Variants in GTF2IRD1 observed in about 807,000 individuals in gnomAD.
GTF2IRD1 encodes GTF2I repeat domain containing 1.
A neutral mutation model predicts 113.2 loss-of-function variants in GTF2IRD1; 26 were observed. The observed-to-expected ratio is 0.23, with a 90% CI of 0.17 to 0.32. The LOEUF (loss-of-function observed/expected upper bound fraction) is 0.32. Ranked by LOEUF, GTF2IRD1 falls within the 10% of genes least tolerant of loss-of-function variation. The probability of loss-of-function intolerance (pLI) is 1.00; values close to 1 mark genes in which losing one functional copy is unlikely to be tolerated. For synonymous variants in GTF2IRD1, 484 were observed against 529.1 expected, an observed-to-expected ratio of 0.91 and a Z score of 1.17; for missense variants, 864 against 1,280.8, an observed-to-expected ratio of 0.67 and a Z score of 4.97.
intron 3 of GTF2IRD1, among the ~76,000 whole-genome samples, chr7:74,514,507 T>A (rs1268942927): frequency 1.3e-5 from 2 of 152,050 alleles, no homozygotes; most frequent in East Asian, 3.9e-4. Context: ...GCTCCGCAGA[T>A]CCCAGAGGAG....
At chr7:74,558,364 T>TTTTTTTTGTTTTTG (rs1799740693) in intron 20 of GTF2IRD1, among the ~76,000 whole-genome samples, 1 of 121,280 alleles carries the variant, frequency 8.2e-6, no homozygotes, top group Non-Finnish European at 1.8e-5. Flanking sequence ...TTTTTTTTTT[T>TTTTTTTTGTTTTTG]TTTTTTTTTT....
intron 22 of GTF2IRD1, among the ~76,000 whole-genome samples, chr7:74,563,909 G>A (rs1800130740): frequency 1.3e-5 from 2 of 151,900 alleles, no homozygotes; most frequent in Admixed American, 1.3e-4. Context: ...TAAAAAGAAT[G>A]GCTCTGAGAT....
chr7:74,584,656 C>T (rs1801613145), intron 22 of GTF2IRD1, among the ~76,000 whole-genome samples: 1 of 152,152 alleles, frequency 6.6e-6, no homozygotes, highest in South Asian at 2.1e-4. Context: ...GTGAGGGAGG[C>T]CACCAGGGGA....
Position 74,559,622 on chromosome 7 carries a change from T to C in GTF2IRD1, c.2292-5T>C. The C allele has an allele frequency of 6.3e-7, 1 of 1,592,638 alleles. No individual in the cohort carries two copies. The highest frequency in any genetic ancestry group is 8.5e-7 in the Non-Finnish European group (1 of 1,169,814). ...ATGACACCCCTGCCTCTGTTTCTCT[T>C]CTAGGCCTTTCCAAGGACTCATCCC... On this transcript the variant is annotated splice_polypyrimidine_tract_variant and splice_region_variant and intron_variant, in intron 21 of 26. Transcript: ENST00000424337.
At chr7:74,536,617 G>T (rs1798313260) in intron 11 of GTF2IRD1, among the ~76,000 whole-genome samples, 1 of 151,944 alleles carries the variant, frequency 6.6e-6, no homozygotes, top group South Asian at 2.1e-4. Flanking sequence ...AGACCAGCCT[G>T]GGCAACATGG....
At chr7:74,576,508 C>G (rs1392507578) in intron 22 of GTF2IRD1, among the ~76,000 whole-genome samples, 2 of 136,582 alleles carry the variant, frequency 1.5e-5, no homozygotes, top group African/African-American at 5.5e-5. Context: ...TTGCAGTGAG[C>G]TGAGATCGTG....
chr7:74,543,741 A>G (rs1297077406), intron 14 of GTF2IRD1, among the ~76,000 whole-genome samples: 1 of 151,782 alleles, frequency 6.6e-6, no homozygotes, highest in Non-Finnish European at 1.5e-5. Flanking sequence ...CTCTACAAAA[A>G]ATTTTAAAAA....
intron 1 of GTF2IRD1, 41 bp from the exon 2 acceptor site, chr7:74,508,034 C>T (rs781882040): frequency 3.2e-6 from 5 of 1,578,620 alleles, no homozygotes; most frequent in Middle Eastern, 1.8e-4. Flanking sequence ...GACAAGCCCC[C>T]TGCCTTGTGC....
At chr7:74,465,649 C>A (rs939859242) in intron 1 of GTF2IRD1, among the ~76,000 whole-genome samples, 1 of 152,130 alleles carries the variant, frequency 6.6e-6, no homozygotes, top group Non-Finnish European at 1.5e-5. Context: ...CTGTGGGAGC[C>A]CCACTCCCCC....
chr7:74,460,516 G>A (rs1290378876), intron 1 of GTF2IRD1, among the ~76,000 whole-genome samples: 3 of 152,034 alleles, frequency 2.0e-5, no homozygotes, highest in East Asian at 3.9e-4. Flanking sequence ...CAAAGTGCTG[G>A]GATTACAGGC....
intron 1 of GTF2IRD1, among the ~76,000 whole-genome samples, chr7:74,493,560 G>A (rs1415798717): frequency 1.3e-5 from 2 of 152,162 alleles, no homozygotes; most frequent in Admixed American, 6.5e-5. Flanking sequence ...GGACATGGCT[G>A]TCTTTTGGAG....
Position 74,519,564 on chromosome 7 carries a change from CCAGCTTCCTGTA to C in GTF2IRD1, c.766_777del (p.Phe256_Ser259del), listed in dbSNP as rs1554345416. On this transcript the variant is annotated inframe_deletion, in exon 6 of 27. Transcript: ENST00000424337. ...CCAACCGCCACCTCCTCCTCCATGG[CCAGCTTCCTGTA>C]CAGCACGGCGCTCCCCAACCACGCC... The C allele has an allele frequency of 1.2e-6, 2 of 1,612,418 alleles. No homozygotes were observed. The highest frequency in any genetic ancestry group is 1.1e-5 in the South Asian group (1 of 90,816).
chr7:74,491,522 T>C (rs1463908921), intron 1 of GTF2IRD1, among the ~76,000 whole-genome samples: 2 of 151,196 alleles, frequency 1.3e-5, no homozygotes, highest in African/African-American at 2.4e-5. Flanking sequence ...TGCCCCCCTC[T>C]CTGTGTCCAT....
intron 1 of GTF2IRD1, among the ~76,000 whole-genome samples, chr7:74,500,506 A>G (rs1238569514): frequency 6.6e-6 from 1 of 151,012 alleles, no homozygotes; most frequent in Admixed American, 6.6e-5. Flanking sequence ...TTTTGGTTCA[A>G]CCCCAAGCCA....
chr7:74,511,572 C>T (rs1167396662), intron 2 of GTF2IRD1, among the ~76,000 whole-genome samples: 1 of 152,168 alleles, frequency 6.6e-6, no homozygotes, highest in Non-Finnish European at 1.5e-5. Flanking sequence ...TTTAATTTTC[C>T]AGTAGGGACC....
At chr7:74,530,703 G>A (rs1797916062) in intron 9 of GTF2IRD1, among the ~76,000 whole-genome samples, 1 of 151,486 alleles carries the variant, frequency 6.6e-6, no homozygotes, top group Non-Finnish European at 1.5e-5. Context: ...CACCTGACAT[G>A]TAGCAGATGT....
intron 22 of GTF2IRD1, among the ~76,000 whole-genome samples, chr7:74,562,754 C>G (rs1323693408): frequency 6.6e-6 from 1 of 151,276 alleles, no homozygotes; most frequent in African/African-American, 2.4e-5. Flanking sequence ...TTTGTAGGCA[C>G]CCTAACACAA....
intron 22 of GTF2IRD1, among the ~76,000 whole-genome samples, chr7:74,570,613 C>T (rs1415618839): frequency 6.6e-6 from 1 of 152,154 alleles, no homozygotes; most frequent in African/African-American, 2.4e-5. Flanking sequence ...GTGATCACAC[C>T]ACTGCACTCT....
At chr7:74,594,945 C>T (rs1336634078) in intron 24 of GTF2IRD1, 69 bp from the exon 25 acceptor site, 3 of 1,107,962 alleles carry the variant, frequency 2.7e-6, no homozygotes, top group Non-Finnish European at 4.1e-6. Flanking sequence ...GAGTGAGACT[C>T]CATCTCAAAA....
Sources: gnomAD v4.1 joint callset for allele counts (sites outside exome capture counted in the v4.1 genomes callset) on GRCh38, gnomAD v4.1.1 for gene constraint, MANE v1.5 for transcripts, NCBI Gene and HGNC (gene_info 2026-07-23, HGNC 2026-07-21) for gene names.